Variants in GAK observed in about 807,000 individuals in gnomAD.
GAK encodes cyclin G associated kinase.
A neutral mutation model predicts 143.9 loss-of-function variants in GAK; 79 were observed. The ratio of observed to expected loss-of-function variants is 0.55; its 90% CI spans 0.46 to 0.66. GAK has a LOEUF of 0.66. Among genes scored for constraint, GAK ranks in the 30% least tolerant of loss-of-function variants. GAK has a pLI of 0.00. For missense variants in GAK, 1,693 were observed against 1,779.7 expected (o/e 0.95, Z 0.88); for synonymous variants, 881 against 765.5 (o/e 1.15, Z -2.49).
chr4:922,016 G>A (rs970000878), intron 1 of GAK, among the ~76,000 whole-genome samples: 1 of 152,152 alleles, frequency 6.6e-6, no homozygotes, highest in Non-Finnish European at 1.5e-5. Flanking sequence ...GCCAAATGCT[G>A]GTGAGTACAA....
chr4:897,971 C>T, intron 6 of GAK, 62 bp downstream of exon 6: 1 of 1,542,172 alleles, frequency 6.5e-7, no homozygotes, highest in Admixed American at 1.9e-5. Flanking sequence ...CAGCACTCCG[C>T]ACTCAGGGCG....
rs541776015 is a variant in GAK at position 877,337 on chromosome 4, T to C, written c.1857-130A>G. On this transcript the variant is annotated intron_variant, in intron 16 of 27. Coordinates refer to ENST00000314167, the MANE Select transcript of GAK (RefSeq NM_005255.4). ...AATAACCAATAAAGAATAACCCCCA[T>C]GAAGAGCCTCACAAGAATTCTAAAG... is the stretch of plus-strand genomic sequence containing the variant. The C allele has an allele frequency of 7.7e-4, 536 of 692,206 alleles. 1 individual carries two copies. The highest frequency in any genetic ancestry group is 6.9e-4 in the Non-Finnish European group (273 of 397,404). The allele number at this position is 692,206 out of a possible 1,614,324, so 42.9% of individuals were successfully genotyped here. A position where few individuals can be genotyped will look rare whatever the true frequency, so the allele number is the denominator to read the frequency against.
Position 866,364 on chromosome 4 carries a change from C to G in GAK, c.3043G>C (p.Gly1015Arg). Residue 1015 changes from glycine to arginine, a missense_variant and splice_region_variant, in exon 22 of 28, where the codon GGG becomes CGG. Coordinates refer to ENST00000314167, the MANE Select transcript of GAK (RefSeq NM_005255.4). ...TGGCTGCCAGGCGAGAGGCACTTAC[C>G]CAGGTGCAGGAAGTCGGCGCTGCAG... ...PSCSADFLHLGDLPGEPSKMT... is the reference protein window; with the variant it reads ...PSCSADFLHLRDLPGEPSKMT... The G allele has an allele frequency of 1.2e-6, 2 of 1,613,790 alleles. No homozygotes were observed.
chr4:876,698 G>C, intron 17 of GAK, 89 bp from the exon 18 acceptor site: 1 of 1,141,826 alleles, frequency 8.8e-7, no homozygotes, highest in African/African-American at 1.5e-5. Flanking sequence ...GGCGAGATCT[G>C]AGAGCGGCTC....
chr4:874,759 A>G (rs971040056), intron 18 of GAK, among the ~76,000 whole-genome samples: 4 of 151,864 alleles, frequency 2.6e-5, no homozygotes, highest in Admixed American at 6.6e-5. Context: ...TTTTTGGCCA[A>G]TGATTTTTCA....
intron 5 of GAK, among the ~76,000 whole-genome samples, chr4:898,384 C>T (rs1211629345): frequency 3.3e-5 from 5 of 152,210 alleles, no homozygotes; most frequent in Admixed American, 6.5e-5. Flanking sequence ...GGGGCCCTGG[C>T]GGGTGGGCCG....
At chr4:905,485 A>G (rs1233983403) in intron 4 of GAK, among the ~76,000 whole-genome samples, 2 of 134,908 alleles carry the variant, frequency 1.5e-5, no homozygotes, top group African/African-American at 3.1e-5. Flanking sequence ...CATGCTACGG[A>G]CTCCGCCACG....
rs773290608 is a variant in GAK, at chr4:890,530, ACCT to A, written c.1080_1081+1del. On this transcript the variant is annotated splice_donor_variant and coding_sequence_variant, in exon 10 of 28. Coordinates refer to ENST00000314167, the MANE Select transcript of GAK (RefSeq NM_005255.4). LOFTEE classifies it high-confidence loss of function. ...GTGGCGGGCACAGGACAGGGCACTCACCTCCACTGTAGCCACTGCCAGCGGGGC... is the reference window on the plus strand; with the variant it reads ...GTGGCGGGCACAGGACAGGGCACTCACCACTGTAGCCACTGCCAGCGGGGC... 1 of 1,603,332 alleles carries A rather than the reference ACCT, an allele frequency of 6.2e-7. No individual in the cohort carries two copies. The highest frequency in any genetic ancestry group is 8.5e-7 in the Non-Finnish European group (1 of 1,174,878).
chr4:865,084 C>A, intron 23 of GAK, 38 bp downstream of exon 23: 2 of 1,511,696 alleles, frequency 1.3e-6, no homozygotes, highest in Non-Finnish European at 1.8e-6. Flanking sequence ...AGCAGCTGCA[C>A]GTCTGGGAGC....
Position 866,402 on chromosome 4 carries a change from G to C in GAK, c.3005C>G (p.Ala1002Gly). Residue 1002 changes from alanine to glycine, a missense_variant, in exon 22 of 28, where the codon GCT becomes GGT. Physicochemically the swap from Ala to Gly is moderately conservative, Grantham distance 60. Around this residue, in one of 2 missense-constraint regions of GAK, gnomAD observed 822 missense variants for 788.7 expected, o/e 1.04. Coordinates refer to ENST00000314167, the MANE Select transcript of GAK (RefSeq NM_005255.4). ...GTCGGCGCTGCAGGATGGGGGCGGA[G>C]CACTGTGGGCAGACGGGAAGGATGG... is the stretch of plus-strand genomic sequence containing the variant. ...VPPSFPSAHS[A>G]PPPSCSADFL... is the part of the protein sequence containing the mutation. 6.2e-7 allele frequency: 1 copy of C among 1,614,096 alleles called. No homozygotes were observed. The highest frequency in any genetic ancestry group is 8.5e-7 in the Non-Finnish European group (1 of 1,179,972).
chr4:892,722 C>A (rs1023658624), intron 9 of GAK, among the ~76,000 whole-genome samples: 10 of 152,022 alleles, frequency 6.6e-5, no homozygotes, highest in Non-Finnish European at 7.4e-5. Flanking sequence ...ACTCAGGACA[C>A]CCCAGGACGC....
intron 3 of GAK, chr4:912,152 G>A (rs1165428715): frequency 2.2e-6 from 1 of 459,994 alleles, no homozygotes; most frequent in Non-Finnish European, 4.4e-6. Context: ...CAGGCAGCCG[G>A]CGGGCTCTCC....
In GAK at chr4:885,047, G is replaced by A. The variant is rs181785635; in HGVS notation, c.1206-961C>T. Among the ~76,000 whole-genome samples, 178 of 152,070 alleles carry A rather than the reference G, an allele frequency of 1.2e-3. 1 individual carries two copies. The highest frequency in any genetic ancestry group is 3.8e-3 in the African/African-American group (157 of 41,532). Reference sequence around the variant, plus strand: ...CGTGCGTTCAAACGTTTTAAAAGCCGTCTAAACCCACCGAGCAGGTGCTGA... The same window carrying A: ...CGTGCGTTCAAACGTTTTAAAAGCCATCTAAACCCACCGAGCAGGTGCTGA... On this transcript the variant is annotated intron_variant, in intron 11 of 27. Transcript: ENST00000314167.
rs532750767 is a variant in GAK, at chr4:890,299, G to A, written c.1081+233C>T. ...CTCTTCCCTTGGCTGGCTTTAGTCC[G>A]AATCCTGACCCCCTCCTGAACTGCA... On this transcript the variant is annotated intron_variant, in intron 10 of 27. Coordinates refer to ENST00000314167, the MANE Select transcript of GAK (RefSeq NM_005255.4). 3.3e-5 allele frequency among the ~76,000 whole-genome samples: 5 copies of A among 152,250 alleles called. No individual in the cohort carries two copies. In the South Asian group the frequency reaches 6.2e-4, roughly 19 times the overall value.
At chr4:867,994 G>C (rs1751518929) in intron 20 of GAK, among the ~76,000 whole-genome samples, 1 of 152,248 alleles carries the variant, frequency 6.6e-6, no homozygotes. Flanking sequence ...AATCAAGGGT[G>C]CTCTGGGAAC....
intron 14 of GAK, 55 bp downstream of exon 14, chr4:882,642 A>G (rs965924283): frequency 1.6e-5 from 25 of 1,594,884 alleles, no homozygotes; most frequent in Admixed American, 1.2e-4. Context: ...TGAACTATGC[A>G]TGAAATAATG....
At position 867,319 on chromosome 4, in the gene GAK, A is replaced by C; in HGVS notation, c.2509T>G (p.Ser837Ala). Reference sequence around the variant, plus strand: ...GCCCTGGGTTCCTGGCCCTCGCTGGAGATCGGGGATCCCCCTTCATCTGAC... The same window carrying C: ...GCCCTGGGTTCCTGGCCCTCGCTGGCGATCGGGGATCCCCCTTCATCTGAC... Reference protein sequence around the residue: ...EVSDEGGSPISSEGQEPRADP... With the variant: ...EVSDEGGSPIASEGQEPRADP... Residue 837 changes from serine (S) to alanine (A), a missense_variant, in exon 21 of 28, where the codon TCC (serine) becomes GCC (alanine). Physicochemically the swap from Ser to Ala is moderately conservative, Grantham distance 99 (BLOSUM62 1). Transcript: ENST00000314167. 3 of 1,611,156 alleles carry C rather than the reference A, an allele frequency of 1.9e-6. No individual in the cohort carries two copies. Among genetic ancestry groups the C allele is most frequent in the Non-Finnish European group, 2.5e-6 (3 of 1,178,434 alleles).
chr4:927,282 C>T (rs1249482997), intron 1 of GAK, among the ~76,000 whole-genome samples: 1 of 38,480 alleles, frequency 2.6e-5, no homozygotes, highest in Non-Finnish European at 5.3e-5. Context: ...CCGCACTGCC[C>T]CGCACCCCTC....
chr4:862,179 T>C (rs1750405565), intron 23 of GAK, among the ~76,000 whole-genome samples: 1 of 146,040 alleles, frequency 6.8e-6, no homozygotes, highest in South Asian at 2.1e-4. Context: ...TCCATGCAGA[T>C]ATGAGACGGC....
Sources: allele counts gnomAD v4.1 joint callset (sites outside exome capture counted in the v4.1 genomes callset), GRCh38; gene constraint gnomAD v4.1.1; regional missense constraint gnomAD v4.1.1; transcripts MANE v1.5; gene names NCBI Gene and HGNC (gene_info 2026-07-23, HGNC 2026-07-21).